Variants in ANKRD13C observed in about 807,000 individuals in gnomAD.
ANKRD13C encodes ankyrin repeat domain-containing protein 13C.
In ANKRD13C, 16 loss-of-function variants were observed where a neutral mutation model predicts 65.5. That is an observed-to-expected ratio of 0.24 (90% CI 0.17 to 0.37). The LOEUF (loss-of-function observed/expected upper bound fraction) is 0.37. Among genes scored for constraint, ANKRD13C ranks in the 10% least tolerant of loss-of-function variants. ANKRD13C has a pLI of 1.00. For missense variants in ANKRD13C, 503 were observed against 655.9 expected (o/e 0.77, Z 2.55); for synonymous variants, 235 against 238.7 (o/e 0.98, Z 0.14).
chr1:70,344,170 C>A (rs370961220), intron 1 of ANKRD13C, among the ~76,000 whole-genome samples: 2 of 151,666 alleles, frequency 1.3e-5, no homozygotes, highest in Admixed American at 1.3e-4. Context: ...TGGTGGCAGG[C>A]GCCTGTAGTC....
chr1:70,348,053 A>G (rs1317248666), intron 1 of ANKRD13C, among the ~76,000 whole-genome samples: 1 of 152,176 alleles, frequency 6.6e-6, no homozygotes, highest in East Asian at 1.9e-4. Flanking sequence ...ATTGTTCACC[A>G]GTAGCTAAAA....
chr1:70,313,546 A>G (rs1680939624), intron 5 of ANKRD13C, among the ~76,000 whole-genome samples, 199 bp downstream of exon 5: 1 of 151,134 alleles, frequency 6.6e-6, no homozygotes, highest in Admixed American at 6.6e-5. Context: ...AAAAAAAAAG[A>G]TTTATTAAAG....
intron 12 of ANKRD13C, among the ~76,000 whole-genome samples, chr1:70,264,817 A>T (rs1345796418): frequency 1.5e-4 from 23 of 152,194 alleles, no homozygotes; most frequent in African/African-American, 5.5e-4. Flanking sequence ...ACAGTAGAAT[A>T]GGGAGTCTCA....
At chr1:70,337,706 A>G (rs1682105559) in intron 1 of ANKRD13C, among the ~76,000 whole-genome samples, 1 of 152,254 alleles carries the variant, frequency 6.6e-6, no homozygotes, top group East Asian at 1.9e-4. Flanking sequence ...AACAAGACAG[A>G]TTTGGAGATA....
At chr1:70,266,881 T>A (rs768772225) in intron 12 of ANKRD13C, among the ~76,000 whole-genome samples, 1 of 152,216 alleles carries the variant, frequency 6.6e-6, no homozygotes, top group Non-Finnish European at 1.5e-5. Flanking sequence ...ATATGTTCCA[T>A]GGGCACTTGA....
At chr1:70,279,846 C>T (rs1044584058) in intron 9 of ANKRD13C, among the ~76,000 whole-genome samples, 9 of 152,060 alleles carry the variant, frequency 5.9e-5, no homozygotes, top group South Asian at 2.1e-4. Flanking sequence ...GTGTGCGGCA[C>T]GCATTAATAA....
intron 3 of ANKRD13C, among the ~76,000 whole-genome samples, chr1:70,317,558 T>A (rs1223748688): frequency 6.6e-6 from 1 of 152,146 alleles, no homozygotes; most frequent in African/African-American, 2.4e-5. Flanking sequence ...CCTATATCAA[T>A]CACCAGTAAA....
intron 3 of ANKRD13C, among the ~76,000 whole-genome samples, chr1:70,316,842 C>T (rs1681093084): frequency 6.6e-6 from 1 of 151,968 alleles, no homozygotes; most frequent in Non-Finnish European, 1.5e-5. Context: ...AAATGTGCAT[C>T]GGGGAAAATA....
Position 70,319,886 on chromosome 1 carries a change from C to CTCTCCCTT in ANKRD13C, c.578-4321_578-4320insAAGGGAGA, listed in dbSNP as rs1681233404. ...TCTCCCTTAAGTAGGATGACTTCCT[C>CTCTCCCTT]AATATCAAAGTTAATGGCACATCCT... is the stretch of plus-strand genomic sequence containing the variant. On this transcript the variant is annotated intron_variant, in intron 3 of 12. Coordinates refer to ENST00000370944, the MANE Select transcript of ANKRD13C (RefSeq NM_030816.5). Among the ~76,000 whole-genome samples the CTCTCCCTT allele has an allele frequency of 3.9e-5, 6 of 151,988 alleles. No individual in the cohort carries two copies. The South Asian group carries it at 1.2e-3, about 32-fold the overall frequency.
At chr1:70,313,119 A>T (rs1467141574) in intron 5 of ANKRD13C, among the ~76,000 whole-genome samples, 3 of 152,234 alleles carry the variant, frequency 2.0e-5, no homozygotes, top group African/African-American at 7.2e-5. Flanking sequence ...CAGTAGTCCC[A>T]TAATCCCATA....
intron 9 of ANKRD13C, among the ~76,000 whole-genome samples, chr1:70,290,658 C>T (rs1021953652): frequency 2.6e-5 from 4 of 152,080 alleles, no homozygotes; most frequent in East Asian, 3.9e-4. Context: ...CATCCTGCCT[C>T]AGCCTCCCAA....
At chr1:70,281,455 T>C (rs935396362) in intron 9 of ANKRD13C, among the ~76,000 whole-genome samples, 47 of 142,100 alleles carry the variant, frequency 3.3e-4, no homozygotes, top group Middle Eastern at 4.1e-3. Flanking sequence ...TACACTGGAG[T>C]GCAGTAACTC....
chr1:70,263,854 T>C (rs1202569823), intron 12 of ANKRD13C, among the ~76,000 whole-genome samples: 1 of 152,156 alleles, frequency 6.6e-6, no homozygotes. Context: ...CTAATTCAAG[T>C]GTCTACCTAG....
At chr1:70,342,887 T>C (rs778958557) in intron 1 of ANKRD13C, among the ~76,000 whole-genome samples, 12 of 152,194 alleles carry the variant, frequency 7.9e-5, no homozygotes, top group Non-Finnish European at 1.2e-4. Flanking sequence ...GTGAATGTTA[T>C]ATCTATTCAA....
At chr1:70,328,508 C>T (rs1468262614) in intron 2 of ANKRD13C, among the ~76,000 whole-genome samples, 1 of 152,082 alleles carries the variant, frequency 6.6e-6, no homozygotes, top group African/African-American at 2.4e-5. Flanking sequence ...ACTAAAAATA[C>T]ACAAAGTAGC....
chr1:70,318,679 G>GTTTTTTTTT (rs11337993), intron 3 of ANKRD13C, among the ~76,000 whole-genome samples: 5 of 94,210 alleles, frequency 5.3e-5, no homozygotes, highest in East Asian at 6.4e-4. Flanking sequence ...ATCAATCTTT[G>GTTTTTTTTT]TTTTTTTTTT....
Position 70,260,902 on chromosome 1 carries a change from A to T in ANKRD13C, c.*1815T>A, listed in dbSNP as rs1276244786. Reference sequence around the variant, plus strand: ...CTAAGGTGTCTGTACTTATGAAAACATATATAGCATATTCCTGAAAGTATA... The same window carrying T: ...CTAAGGTGTCTGTACTTATGAAAACTTATATAGCATATTCCTGAAAGTATA... On this transcript the variant is annotated 3_prime_UTR_variant, in exon 13 of 13. Transcript: ENST00000370944. 4 of 152,112 alleles carry T rather than the reference A, an allele frequency of 2.6e-5. No individual in the cohort carries two copies. The highest frequency in any genetic ancestry group is 7.2e-5 in the African/African-American group (3 of 41,440). 9.4% of individuals were successfully genotyped at this position (152,112 alleles called of 1,614,324 possible). A position where few individuals can be genotyped will look rare whatever the true frequency, so the allele number is the denominator to read the frequency against.
intron 2 of ANKRD13C, among the ~76,000 whole-genome samples, chr1:70,328,396 C>T (rs1358666048): frequency 6.6e-6 from 1 of 152,170 alleles, no homozygotes; most frequent in Non-Finnish European, 1.5e-5. Flanking sequence ...GGTGCAGTGG[C>T]TCACACCTAT....
At chr1:70,302,310 G>A (rs1380804714) in intron 6 of ANKRD13C, among the ~76,000 whole-genome samples, 6 of 151,798 alleles carry the variant, frequency 4.0e-5, no homozygotes, top group Non-Finnish European at 7.4e-5. Context: ...CAGGGGCGGC[G>A]GGGGGGCGGG....
Sources: allele counts gnomAD v4.1 joint callset (sites outside exome capture counted in the v4.1 genomes callset), GRCh38; gene constraint gnomAD v4.1.1; transcripts MANE v1.5; gene names NCBI Gene and HGNC (gene_info 2026-07-23, HGNC 2026-07-21).